Variants in SIPA1L1 observed in about 807,000 individuals in gnomAD.
The protein encoded by SIPA1L1 is signal-induced proliferation-associated 1-like protein 1.
In SIPA1L1, 26 loss-of-function variants were observed where a neutral mutation model predicts 162.7. That is an observed-to-expected ratio of 0.16 (90% CI 0.12 to 0.22). The LOEUF (loss-of-function observed/expected upper bound fraction) is 0.22. Among genes scored for constraint, SIPA1L1 ranks in the 10% least tolerant of loss-of-function variants. SIPA1L1 has a pLI of 1.00. For synonymous variants in SIPA1L1, 829 were observed against 837.4 expected (o/e 0.99, Z 0.17); for missense variants, 1,874 against 2,241.0 (o/e 0.84, Z 3.31).
At chr14:71,599,743 G>A (rs2147969675) in intron 5 of SIPA1L1, among the ~76,000 whole-genome samples, 1 of 152,160 alleles carries the variant, frequency 6.6e-6, no homozygotes, top group Middle Eastern at 3.4e-3. Flanking sequence ...AACAGTGTAT[G>A]AGTTCCCTTT....
chr14:71,733,552 A>G (rs2084995991), intron 20 of SIPA1L1, 114 bp from the exon 21 acceptor site: 2 of 1,088,310 alleles, frequency 1.8e-6, no homozygotes, highest in East Asian at 2.4e-5. Flanking sequence ...TAACCTGGAC[A>G]TTGATAACAG....
At chr14:71,625,743 G>A (rs1472072390) in intron 7 of SIPA1L1, among the ~76,000 whole-genome samples, 1 of 152,156 alleles carries the variant, frequency 6.6e-6, no homozygotes, top group East Asian at 1.9e-4. Context: ...TTCTACTACT[G>A]TGTTTATCAA....
At chr14:71,685,811 A>T (rs1044780448) in intron 13 of SIPA1L1, among the ~76,000 whole-genome samples, 180 bp downstream of exon 13, 3 of 152,210 alleles carry the variant, frequency 2.0e-5, no homozygotes, top group Non-Finnish European at 4.4e-5. Flanking sequence ...GGATCAACAG[A>T]GATTGATTCT....
At chr14:71,475,885 A>G (rs2047808853) in intron 2 of SIPA1L1, among the ~76,000 whole-genome samples, 1 of 152,212 alleles carries the variant, frequency 6.6e-6, no homozygotes, top group South Asian at 2.1e-4. Flanking sequence ...GAAAGAGTGC[A>G]GTGTTAAGAA....
intron 5 of SIPA1L1, among the ~76,000 whole-genome samples, chr14:71,596,377 A>T (rs1334220669): frequency 6.6e-6 from 1 of 152,158 alleles, no homozygotes; most frequent in Non-Finnish European, 1.5e-5. Context: ...AGTAGATTTG[A>T]AGGCACTGCA....
chr14:71,465,331 A>T (rs563474797), intron 2 of SIPA1L1, among the ~76,000 whole-genome samples: 6 of 152,330 alleles, frequency 3.9e-5, no homozygotes, highest in Middle Eastern at 3.4e-3. Flanking sequence ...GGGCAATCTT[A>T]GCAGATTTGA....
At chr14:71,471,459 ACT>A (rs1313377712) in intron 2 of SIPA1L1, among the ~76,000 whole-genome samples, 2 of 152,104 alleles carry the variant, frequency 1.3e-5, no homozygotes, top group Admixed American at 6.5e-5. Context: ...ACAAAGCAAG[ACT>A]CTGTCTTGGG....
chr14:71,495,825 G>A (rs1472240122), intron 2 of SIPA1L1, among the ~76,000 whole-genome samples: 2 of 141,022 alleles, frequency 1.4e-5, no homozygotes, highest in Non-Finnish European at 1.5e-5. Flanking sequence ...CAAGGTGGGA[G>A]GATCATTTGA....
At chr14:71,644,284 G>A (rs2041973799) in intron 7 of SIPA1L1, among the ~76,000 whole-genome samples, 1 of 152,134 alleles carries the variant, frequency 6.6e-6, no homozygotes, top group Admixed American at 6.5e-5. Flanking sequence ...CCAGGCTGGA[G>A]TGCAGTGGCA....
chr14:71,646,089 T>C (rs902070175), intron 7 of SIPA1L1, among the ~76,000 whole-genome samples: 3 of 152,206 alleles, frequency 2.0e-5, no homozygotes, highest in Non-Finnish European at 4.4e-5. Flanking sequence ...ATCTCTTTCT[T>C]CTGGTACAGG....
intron 2 of SIPA1L1, among the ~76,000 whole-genome samples, chr14:71,397,984 T>G (rs1219238805): frequency 6.7e-6 from 1 of 150,138 alleles, no homozygotes; most frequent in Non-Finnish European, 1.5e-5. Flanking sequence ...ATGGCCTAAC[T>G]GGAATTAAAT....
rs372911832 is a variant in SIPA1L1, at chr14:71,630,752, A to ATT, written c.1818+6517_1818+6518dup. 3.6e-3 allele frequency among the ~76,000 whole-genome samples: 547 copies of ATT among 152,072 alleles called. 1 individual carries two copies. The highest frequency in any genetic ancestry group is 6.0e-3 in the Non-Finnish European group (410 of 67,976). On this transcript the variant is annotated intron_variant, in intron 7 of 23. Transcript: ENST00000381232. ...CCCCTGCCTTGTAGTTAATCACCTTATTAACTACAAGGTGTAGTATTTCTG... is the reference window on the plus strand; with the variant it reads ...CCCCTGCCTTGTAGTTAATCACCTTATTTTAACTACAAGGTGTAGTATTTCTG...
At chr14:71,428,763 A>G (rs1018648692) in intron 2 of SIPA1L1, among the ~76,000 whole-genome samples, 3 of 152,228 alleles carry the variant, frequency 2.0e-5, no homozygotes, top group Non-Finnish European at 4.4e-5. Flanking sequence ...GATCCCTGAT[A>G]TTTAGAGGGC....
intron 7 of SIPA1L1, among the ~76,000 whole-genome samples, chr14:71,644,321 G>A (rs761900260): frequency 6.6e-5 from 10 of 152,124 alleles, no homozygotes; most frequent in Non-Finnish European, 1.3e-4. Flanking sequence ...GCTCACTATA[G>A]CCTTGCCCTC....
At chr14:71,379,248 A>G (rs1351955638) in intron 2 of SIPA1L1, among the ~76,000 whole-genome samples, 2 of 150,836 alleles carry the variant, frequency 1.3e-5, no homozygotes, top group East Asian at 1.9e-4. Context: ...TCCGGAGGGA[A>G]TGGAGGTAAG....
chr14:71,620,239 T>C (rs1306290394), intron 6 of SIPA1L1, among the ~76,000 whole-genome samples: 2 of 152,184 alleles, frequency 1.3e-5, no homozygotes, highest in Non-Finnish European at 2.9e-5. Flanking sequence ...CCAGCTAATT[T>C]TGTATTTTTA....
intron 7 of SIPA1L1, among the ~76,000 whole-genome samples, chr14:71,631,124 G>A (rs551919677): frequency 3.3e-5 from 5 of 151,968 alleles, no homozygotes; most frequent in Non-Finnish European, 7.4e-5. Context: ...TGCAGTGTTT[G>A]GTTTTCTGTC....
intron 4 of SIPA1L1, among the ~76,000 whole-genome samples, chr14:71,555,143 C>G (rs2056239317): frequency 6.6e-6 from 1 of 152,188 alleles, no homozygotes; most frequent in South Asian, 2.1e-4. Flanking sequence ...ACCTTTGAAG[C>G]CAGGCATTGA....
chr14:71,724,261 C>G (rs2084022655), intron 18 of SIPA1L1, among the ~76,000 whole-genome samples: 1 of 152,118 alleles, frequency 6.6e-6, no homozygotes, highest in Non-Finnish European at 1.5e-5. Flanking sequence ...GGGAATATTA[C>G]AAAGTGAGTG....
Sources: gnomAD v4.1 joint callset for allele counts (sites outside exome capture counted in the v4.1 genomes callset) on GRCh38, gnomAD v4.1.1 for gene constraint, MANE v1.5 for transcripts, NCBI Gene and HGNC (gene_info 2026-07-23, HGNC 2026-07-21) for gene names.